The following ITGA8 variants were observed in gnomAD, a reference collection of about 807,000 sequenced individuals.
The protein encoded by ITGA8 is integrin subunit alpha 8, also known as integrin alpha-8.
A neutral mutation model predicts 142.3 loss-of-function variants in ITGA8; 91 were observed. That is an observed-to-expected ratio of 0.64 (90% CI 0.54 to 0.76). ITGA8 has a LOEUF of 0.76. Among genes scored for constraint, ITGA8 ranks in the 30% least tolerant of loss-of-function variants. The pLI is 0.00. For synonymous variants in ITGA8, 505 were observed against 485.2 expected, an observed-to-expected ratio of 1.04 and a Z score of -0.54; for missense variants, 1,406 against 1,327.7, an observed-to-expected ratio of 1.06 and a Z score of -0.92.
At chr10:15,713,498 T>C (rs954848765) in intron 2 of ITGA8, among the ~76,000 whole-genome samples, 2 of 152,236 alleles carry the variant, frequency 1.3e-5, no homozygotes, top group African/African-American at 4.8e-5. Flanking sequence ...ATCACATTTA[T>C]GTTATTTCCT....
At chr10:15,668,062 C>T (rs1464016916) in intron 8 of ITGA8, among the ~76,000 whole-genome samples, 2 of 152,146 alleles carry the variant, frequency 1.3e-5, no homozygotes, top group Non-Finnish European at 2.9e-5. Flanking sequence ...GAGTTCAATT[C>T]CTGGGTATCC....
chr10:15,677,688 A>G, intron 5 of ITGA8, 51 bp from the exon 6 acceptor site: 1 of 1,539,552 alleles, frequency 6.5e-7, no homozygotes, highest in Non-Finnish European at 8.9e-7. Flanking sequence ...GAAATACTAA[A>G]CATTTTTAAA....
chr10:15,597,760 T>C (rs1022827845), intron 20 of ITGA8, among the ~76,000 whole-genome samples: 2 of 152,232 alleles, frequency 1.3e-5, no homozygotes, highest in Non-Finnish European at 2.9e-5. Flanking sequence ...CTATACACCA[T>C]GGTCCCGTTT....
At chr10:15,537,896 T>A (rs914130372) in intron 27 of ITGA8, among the ~76,000 whole-genome samples, 2 of 151,632 alleles carry the variant, frequency 1.3e-5, no homozygotes, top group African/African-American at 4.9e-5. Flanking sequence ...GGCAAGAGGA[T>A]CACTTGAACC....
Position 15,664,664 on chromosome 10 carries a change from C to A in ITGA8, c.848-3742G>T, listed in dbSNP as rs1419098656. On this transcript the variant is annotated intron_variant, in intron 8 of 29. Coordinates refer to ENST00000378076, the MANE Select transcript of ITGA8 (RefSeq NM_003638.3). ...TATATCTCCTAATGCTATCCCTCCCCCCTCCCCCCAACCCACAACAGTCCC... is the reference window on the plus strand; with the variant it reads ...TATATCTCCTAATGCTATCCCTCCCACCTCCCCCCAACCCACAACAGTCCC... 2.9e-5 allele frequency among the ~76,000 whole-genome samples: 4 copies of A among 135,672 alleles called. No individual in the cohort carries two copies. In the East Asian group the frequency reaches 1.0e-3, roughly 35 times the overall value. 89.0% of individuals were successfully genotyped at this position (135,672 alleles called of 152,430 possible).
chr10:15,702,926 C>G (rs894244121), intron 2 of ITGA8, among the ~76,000 whole-genome samples: 3 of 152,170 alleles, frequency 2.0e-5, no homozygotes, highest in Non-Finnish European at 4.4e-5. Flanking sequence ...ACTCCCTGGA[C>G]TTAGTCACTG....
chr10:15,666,699 A>G (rs1378775147), intron 8 of ITGA8, among the ~76,000 whole-genome samples: 1 of 152,128 alleles, frequency 6.6e-6, no homozygotes, highest in Admixed American at 6.5e-5. Context: ...TCCCATCAAT[A>G]CCTAATTTAT....
intron 11 of ITGA8, among the ~76,000 whole-genome samples, chr10:15,650,124 A>G (rs1269385613): frequency 6.6e-6 from 1 of 152,220 alleles, no homozygotes; most frequent in Non-Finnish European, 1.5e-5. Context: ...TCAAGCCATC[A>G]AAAGACATGG....
At chr10:15,714,448 C>A (rs1835415224) in intron 2 of ITGA8, among the ~76,000 whole-genome samples, 1 of 152,188 alleles carries the variant, frequency 6.6e-6, no homozygotes, top group African/African-American at 2.4e-5. Context: ...GAGGAATTTT[C>A]TTCTATTGAA....
In ITGA8 at chr10:15,607,751, C is replaced by A; in HGVS notation, c.1690G>T (p.Ala564Ser). Reference sequence around the variant, plus strand: ...ATCACAAGAGGGAAGACGCGATGAGCCTGATGGTTATCAAGGAAGAGCGTC... The same window carrying A: ...ATCACAAGAGGGAAGACGCGATGAGACTGATGGTTATCAAGGAAGAGCGTC... Reference protein sequence around the residue: ...KRTLFLDNHQAHRVFPLVIKR... With the variant: ...KRTLFLDNHQSHRVFPLVIKR... Residue 564 changes from alanine (A) to serine (S), a missense_variant, in exon 17 of 30, where the codon GCT becomes TCT. Coordinates refer to ENST00000378076, the MANE Select transcript of ITGA8 (RefSeq NM_003638.3). 7 of 1,613,534 alleles carry A rather than the reference C, an allele frequency of 4.3e-6. No individual in the cohort carries two copies. Among genetic ancestry groups the A allele is most frequent in the Non-Finnish European group, 5.9e-6 (7 of 1,179,518 alleles).
intron 6 of ITGA8, 107 bp downstream of exon 6, chr10:15,677,485 G>A: frequency 1.2e-6 from 1 of 825,336 alleles, no homozygotes; most frequent in South Asian, 1.8e-5. Flanking sequence ...CTATGAATAA[G>A]GATATAAAAT....
chr10:15,570,480 C>T (rs1473289433), intron 25 of ITGA8, among the ~76,000 whole-genome samples: 1 of 151,902 alleles, frequency 6.6e-6, no homozygotes, highest in East Asian at 1.9e-4. Context: ...CGTGGTGGTA[C>T]ACGCCTGTAA....
intron 2 of ITGA8, among the ~76,000 whole-genome samples, chr10:15,710,353 C>T (rs1035804989): frequency 2.0e-5 from 3 of 151,760 alleles, no homozygotes; most frequent in African/African-American, 7.3e-5. Context: ...GCTTTTATGC[C>T]CTAATTTGAT....
intron 13 of ITGA8, among the ~76,000 whole-genome samples, chr10:15,627,701 G>C (rs531305038): frequency 6.6e-6 from 1 of 152,132 alleles, no homozygotes; most frequent in African/African-American, 2.4e-5. Flanking sequence ...CTGGGTCTGG[G>C]GTGCAGAACC....
chr10:15,517,031 C>G lies in ITGA8; in HGVS notation c.*127G>C. The G allele has an allele frequency of 2.5e-5, 12 of 483,464 alleles. No individual in the cohort carries two copies. The highest frequency in any genetic ancestry group is 1.3e-4 in the South Asian group (3 of 22,776). The allele number at this position is 483,464 out of a possible 1,614,324, so 29.9% of individuals were successfully genotyped here. A position where few individuals can be genotyped will look rare whatever the true frequency, so the allele number is the denominator to read the frequency against. ...TGCGGTGTAGATGAGGTGATGTTTCCAGGGTCCCCTCCATTTCCTGGGTCA... is the reference window on the plus strand; with the variant it reads ...TGCGGTGTAGATGAGGTGATGTTTCGAGGGTCCCCTCCATTTCCTGGGTCA... On this transcript the variant is annotated 3_prime_UTR_variant, in exon 30 of 30. Transcript: ENST00000378076.
intron 2 of ITGA8, among the ~76,000 whole-genome samples, chr10:15,699,593 G>T (rs996073635): frequency 6.6e-6 from 1 of 152,080 alleles, no homozygotes; most frequent in African/African-American, 2.4e-5. Flanking sequence ...ACATTTGTGG[G>T]TTTTTTTCCA....
chr10:15,538,418 G>A lies in ITGA8; in HGVS notation c.2881-7267C>T, dbSNP rs764207569. On this transcript the variant is annotated intron_variant, in intron 27 of 29. Coordinates refer to ENST00000378076, the MANE Select transcript of ITGA8 (RefSeq NM_003638.3). ...TCCCAGCTACTTGGGAGGCTGAGAC[G>A]GGAGAATCGCTTGAACCCGGGAGAC... Among the ~76,000 whole-genome samples the A allele has an allele frequency of 3.3e-5, 5 of 150,494 alleles. No homozygotes were observed. The South Asian group carries it at 6.3e-4, about 19-fold the overall frequency.
intron 21 of ITGA8, among the ~76,000 whole-genome samples, chr10:15,594,799 AT>A (rs1832986405): frequency 6.6e-6 from 1 of 152,198 alleles, no homozygotes; most frequent in Non-Finnish European, 1.5e-5. Context: ...AACAAAAAAA[AT>A]GCCAAAAGAA....
chr10:15,678,637 G>T (rs1834677324), intron 5 of ITGA8, 85 bp downstream of exon 5: 7 of 827,608 alleles, frequency 8.5e-6, no homozygotes, highest in Non-Finnish European at 1.4e-5. Flanking sequence ...GGTGGTGGTG[G>T]TGGTTTTGGG....
Sources: gnomAD v4.1 joint callset for allele counts (sites outside exome capture counted in the v4.1 genomes callset) on GRCh38, gnomAD v4.1.1 for gene constraint, MANE v1.5 for transcripts, NCBI Gene and HGNC (gene_info 2026-07-23, HGNC 2026-07-21) for gene names.